The following GPR158 variants were observed in gnomAD, a reference collection of about 807,000 sequenced individuals.
The protein encoded by GPR158 is G protein-coupled receptor 158.
Under a neutral mutation model 78.2 loss-of-function variants are expected in GPR158, and 30 were observed. The ratio of observed to expected loss-of-function variants is 0.38; its 90% CI spans 0.29 to 0.52. GPR158 has a LOEUF of 0.52. GPR158 is among the 20% of genes least tolerant of loss of function. The probability of loss-of-function intolerance (pLI) is 0.83; values close to 1 mark genes in which losing one functional copy is unlikely to be tolerated. For missense variants in GPR158, 1,463 were observed against 1,523.5 expected, an observed-to-expected ratio of 0.96 and a Z score of 0.66; for synonymous variants, 581 against 591.1, an observed-to-expected ratio of 0.98 and a Z score of 0.25.
intron 2 of GPR158, among the ~76,000 whole-genome samples, chr10:25,311,759 C>T (rs901329719): frequency 6.6e-6 from 1 of 151,934 alleles, no homozygotes; most frequent in Non-Finnish European, 1.5e-5. Context: ...AGAAATTAAA[C>T]TCAGAATATT....
At chr10:25,573,367 T>C (rs1486244814) in intron 7 of GPR158, among the ~76,000 whole-genome samples, 1 of 152,242 alleles carries the variant, frequency 6.6e-6, no homozygotes, top group Non-Finnish European at 1.5e-5. Context: ...TAATCTATCT[T>C]TCCTTTGCTG....
At chr10:25,369,776 C>A (rs367557345) in intron 2 of GPR158, among the ~76,000 whole-genome samples, 1 of 149,600 alleles carries the variant, frequency 6.7e-6, no homozygotes, top group African/African-American at 2.5e-5. Context: ...TGGTAGAATT[C>A]GGCTGTGAAT....
At chr10:25,359,853 G>A (rs1320553137) in intron 2 of GPR158, among the ~76,000 whole-genome samples, 1 of 152,120 alleles carries the variant, frequency 6.6e-6, no homozygotes, top group Non-Finnish European at 1.5e-5. Context: ...TTTCACAATG[G>A]TTTAACTAAT....
intron 6 of GPR158, among the ~76,000 whole-genome samples, chr10:25,562,443 A>G (rs552551049): frequency 6.4e-4 from 97 of 152,312 alleles, no homozygotes; most frequent in African/African-American, 2.3e-3. Flanking sequence ...TACCTCAATC[A>G]CTGCATTTAC....
intron 2 of GPR158, among the ~76,000 whole-genome samples, chr10:25,253,071 G>A (rs868051594): frequency 6.6e-6 from 1 of 152,132 alleles, no homozygotes; most frequent in Admixed American, 6.5e-5. Context: ...GGAGTGACCC[G>A]ATTTTCCAGG....
chr10:25,337,569 G>A (rs1400012530), intron 2 of GPR158, among the ~76,000 whole-genome samples: 1 of 151,796 alleles, frequency 6.6e-6, no homozygotes, highest in Non-Finnish European at 1.5e-5. Flanking sequence ...TAGATTTTTG[G>A]CTACTATAAA....
intron 9 of GPR158, among the ~76,000 whole-genome samples, chr10:25,595,962 C>G (rs534410626): frequency 6.6e-6 from 1 of 151,980 alleles, no homozygotes; most frequent in South Asian, 2.1e-4. Flanking sequence ...GTTATATATC[C>G]TTAGAATAAG....
At chr10:25,464,728 A>C (rs995596866) in intron 4 of GPR158, among the ~76,000 whole-genome samples, 1 of 152,196 alleles carries the variant, frequency 6.6e-6, no homozygotes, top group African/African-American at 2.4e-5. Context: ...CAGCCAACCA[A>C]TAGCATACAA....
intron 5 of GPR158, among the ~76,000 whole-genome samples, chr10:25,477,122 T>C (rs1247259987): frequency 3.9e-5 from 6 of 152,012 alleles, no homozygotes; most frequent in Non-Finnish European, 7.4e-5. Context: ...TTTAACTCCA[T>C]TTTTTTGCGA....
At chr10:25,368,554 G>A (rs1460759968) in intron 2 of GPR158, among the ~76,000 whole-genome samples, 2 of 151,804 alleles carry the variant, frequency 1.3e-5, no homozygotes, top group East Asian at 1.9e-4. Flanking sequence ...GAACCAGTAA[G>A]AATGGCTATT....
chr10:25,575,601 G>A (rs1837081718), intron 7 of GPR158, among the ~76,000 whole-genome samples: 1 of 152,052 alleles, frequency 6.6e-6, no homozygotes, highest in African/African-American at 2.4e-5. Context: ...CAGAACTGCT[G>A]ACTCCACGGA....
At position 25,565,839 on chromosome 10, in the gene GPR158, G is replaced by A. The variant is rs553379608; in HGVS notation, c.1515-6810G>A. On this transcript the variant is annotated intron_variant, in intron 6 of 10. Transcript: ENST00000376351. ...GATAGAGACAGGGGACCGAGGGCAA[G>A]AAAAAGCTGTAGGCTTTATTGAGCC... is the stretch of plus-strand genomic sequence containing the variant. Among the ~76,000 whole-genome samples, 40 of 152,228 alleles carry A rather than the reference G, an allele frequency of 2.6e-4. No individual in the cohort carries two copies. In the East Asian group the frequency reaches 7.0e-3, roughly 26 times the overall value.
intron 4 of GPR158, among the ~76,000 whole-genome samples, chr10:25,432,661 A>G (rs769013970): frequency 1.2e-4 from 19 of 152,152 alleles, no homozygotes; most frequent in Non-Finnish European, 1.9e-4. Flanking sequence ...CATTTCCACC[A>G]TTTATTGAAA....
At chr10:25,220,699 A>G (rs1853288024) in intron 1 of GPR158, among the ~76,000 whole-genome samples, 1 of 152,188 alleles carries the variant, frequency 6.6e-6, no homozygotes, top group Non-Finnish European at 1.5e-5. Context: ...TTACTTTACT[A>G]GAAGGGGTTC....
At chr10:25,552,821 G>A (rs1266951155) in intron 6 of GPR158, among the ~76,000 whole-genome samples, 1 of 152,188 alleles carries the variant, frequency 6.6e-6, no homozygotes, top group Non-Finnish European at 1.5e-5. Context: ...GCGAGAGTAT[G>A]TTTAGGGGGA....
At chr10:25,307,298 GAC>G (rs141165791) in intron 2 of GPR158, among the ~76,000 whole-genome samples, 2 of 147,300 alleles carry the variant, frequency 1.4e-5, no homozygotes, top group South Asian at 4.3e-4. Flanking sequence ...ATGAAATGCT[GAC>G]ACACACACAC....
At chr10:25,425,257 A>G (rs1834803891) in intron 4 of GPR158, among the ~76,000 whole-genome samples, 1 of 151,888 alleles carries the variant, frequency 6.6e-6, no homozygotes, top group Non-Finnish European at 1.5e-5. Context: ...AGGATTCTCC[A>G]CACTGTTTTC....
At chr10:25,505,758 G>T (rs538660238) in intron 5 of GPR158, among the ~76,000 whole-genome samples, 1 of 151,926 alleles carries the variant, frequency 6.6e-6, no homozygotes, top group East Asian at 1.9e-4. Context: ...ACTACCCCAC[G>T]CCTTCATGCT....
intron 5 of GPR158, among the ~76,000 whole-genome samples, chr10:25,504,142 C>T (rs954505467): frequency 6.6e-5 from 10 of 152,180 alleles, no homozygotes; most frequent in African/African-American, 2.2e-4. Context: ...CCACTTGCCT[C>T]AGCCTCCCAA....
Sources: gnomAD v4.1 joint callset for allele counts (sites outside exome capture counted in the v4.1 genomes callset) on GRCh38, gnomAD v4.1.1 for gene constraint, MANE v1.5 for transcripts, NCBI Gene and HGNC (gene_info 2026-07-23, HGNC 2026-07-21) for gene names.